DGKB: variants seen among roughly 807,000 people sequenced by gnomAD.
DGKB encodes diacylglycerol kinase beta, also known as 90 kDa diacylglycerol kinase.
In DGKB, 67 loss-of-function variants were observed where a neutral mutation model predicts 114.3. That is an observed-to-expected ratio of 0.59 (90% confidence interval 0.48 to 0.72). The LOEUF is 0.72. DGKB is among the 30% of genes least tolerant of loss of function. DGKB has a pLI of 0.00. For missense variants in DGKB, 907 were observed against 975.2 expected (o/e 0.93, Z 0.93); for synonymous variants, 398 against 323.1 (o/e 1.23, Z -2.49).
intron 21 of DGKB, among the ~76,000 whole-genome samples, chr7:14,455,203 T>C (rs1438023521): frequency 2.6e-5 from 4 of 152,022 alleles, no homozygotes; most frequent in Admixed American, 1.3e-4. Context: ...ATCACAGACA[T>C]AACTTCAATA....
chr7:14,948,097 A>G (rs1785980596), intron 1 of DGKB, among the ~76,000 whole-genome samples: 1 of 151,814 alleles, frequency 6.6e-6, no homozygotes, highest in African/African-American at 2.4e-5. Flanking sequence ...GGGCCGTATC[A>G]ACAAAAGCAA....
At chr7:14,484,340 A>G (rs1370310001) in intron 20 of DGKB, among the ~76,000 whole-genome samples, 1 of 150,904 alleles carries the variant, frequency 6.6e-6, no homozygotes, top group South Asian at 2.1e-4. Context: ...TCCCCTCTGA[A>G]CATCATGTTG....
At chr7:14,668,685 C>A (rs1300554721) in intron 13 of DGKB, among the ~76,000 whole-genome samples, 3 of 152,136 alleles carry the variant, frequency 2.0e-5, no homozygotes, top group Non-Finnish European at 4.4e-5. Flanking sequence ...ATTCCAACAA[C>A]CTTTGACTTC....
At chr7:14,468,318 C>T (rs1042876779) in intron 21 of DGKB, among the ~76,000 whole-genome samples, 4 of 152,020 alleles carry the variant, frequency 2.6e-5, no homozygotes, top group African/African-American at 9.7e-5. Flanking sequence ...TCTCTTCTGT[C>T]TCCAGCACAC....
At chr7:14,518,705 A>G (rs1383814350) in intron 20 of DGKB, among the ~76,000 whole-genome samples, 3 of 152,068 alleles carry the variant, frequency 2.0e-5, no homozygotes, top group African/African-American at 7.2e-5. Flanking sequence ...AAATTTTAGC[A>G]TATACCTCCA....
At chr7:14,301,855 C>A (rs147047508) in intron 23 of DGKB, among the ~76,000 whole-genome samples, 3 of 152,196 alleles carry the variant, frequency 2.0e-5, no homozygotes, top group East Asian at 1.9e-4. Context: ...GTGTACAGTG[C>A]TTTTGTCAGA....
chr7:14,663,848 T>C (rs1466642961), intron 13 of DGKB, among the ~76,000 whole-genome samples: 1 of 151,892 alleles, frequency 6.6e-6, no homozygotes, highest in African/African-American at 2.4e-5. Context: ...CCTTTCTAAA[T>C]GATTGCCACT....
intron 13 of DGKB, among the ~76,000 whole-genome samples, chr7:14,668,842 C>G (rs139597085): frequency 2.4e-3 from 364 of 152,252 alleles, no homozygotes; most frequent in African/African-American, 7.8e-3. Flanking sequence ...GCTGCCCTCT[C>G]TGTACATCAC....
chr7:14,886,210 T>C (rs948554918), intron 1 of DGKB, among the ~76,000 whole-genome samples: 1 of 151,766 alleles, frequency 6.6e-6, no homozygotes, highest in Admixed American at 6.6e-5. Context: ...AAAGATAGAA[T>C]TTCAATTAGC....
At position 14,149,203 on chromosome 7, in the gene DGKB, C is replaced by A. The variant is rs377024982; in HGVS notation, c.2340G>T (p.Leu780=). Residue 780 remains leucine, a synonymous_variant, in exon 26 of 26, where the codon CTG becomes CTT. Coordinates refer to ENST00000402815, the MANE Select transcript of DGKB (RefSeq NM_001350709.2). Reference sequence around the variant, plus strand: ...AACCGGTTTTTGGAGGCGGGCCCATCAGCATTGGGGCTTGGTTCTTGTGTG... The same window carrying A: ...AACCGGTTTTTGGAGGCGGGCCCATAAGCATTGGGGCTTGGTTCTTGTGTG... ...KITHKNQAPM[L]MGPPPKTGLF... is the part of the protein sequence containing the mutation. 1.2e-6 allele frequency: 2 copies of A among 1,613,156 alleles called. No individual in the cohort carries two copies. The highest frequency in any genetic ancestry group is 2.7e-5 in the African/African-American group (2 of 74,792).
chr7:14,156,623 T>A (rs1584102538), intron 25 of DGKB, among the ~76,000 whole-genome samples: 2 of 152,136 alleles, frequency 1.3e-5, no homozygotes, highest in African/African-American at 4.8e-5. Context: ...AGGCAGCTGG[T>A]CAGATTTGGC....
chr7:14,215,528 T>C (rs1183842190), intron 23 of DGKB, among the ~76,000 whole-genome samples: 1 of 152,180 alleles, frequency 6.6e-6, no homozygotes, highest in African/African-American at 2.4e-5. Context: ...AAATAACCAC[T>C]AATCTATAAT....
chr7:14,176,913 T>C lies in DGKB; in HGVS notation c.2244-14A>G, dbSNP rs1781823383. 6.2e-7 allele frequency: 1 copy of C among 1,613,170 alleles called. No homozygotes were observed. Among genetic ancestry groups the C allele is most frequent in the Non-Finnish European group, 8.5e-7 (1 of 1,179,216 alleles). ...GACTTGCTCGTCCTGGGGGAAAATATTTCATTGTAAGTATTGCAAGGAAAT... is the reference window on the plus strand; with the variant it reads ...GACTTGCTCGTCCTGGGGGAAAATACTTCATTGTAAGTATTGCAAGGAAAT... On this transcript the variant is annotated splice_polypyrimidine_tract_variant and intron_variant, in intron 24 of 25. Coordinates refer to ENST00000402815, the MANE Select transcript of DGKB (RefSeq NM_001350709.2).
chr7:14,889,479 C>T (rs1433660750), intron 1 of DGKB, among the ~76,000 whole-genome samples: 2 of 151,452 alleles, frequency 1.3e-5, no homozygotes, highest in African/African-American at 2.4e-5. Context: ...GTGTAGTAGG[C>T]CTGGTTATGG....
chr7:14,178,546 T>C (rs1782149783), intron 23 of DGKB, among the ~76,000 whole-genome samples: 2 of 152,038 alleles, frequency 1.3e-5, no homozygotes, highest in South Asian at 2.1e-4. Context: ...ATAAATAAAA[T>C]ATGAGGATAT....
At chr7:14,596,900 T>C (rs1176800676) in intron 17 of DGKB, among the ~76,000 whole-genome samples, 5 of 152,134 alleles carry the variant, frequency 3.3e-5, no homozygotes, top group Admixed American at 2.0e-4. Context: ...TACCCTCTTT[T>C]TAAAATATCA....
At chr7:14,565,496 C>T (rs1471667202) in intron 20 of DGKB, among the ~76,000 whole-genome samples, 1 of 152,158 alleles carries the variant, frequency 6.6e-6, no homozygotes, top group Non-Finnish European at 1.5e-5. Context: ...GTCTTCTAAG[C>T]TTCCAACTTA....
chr7:14,658,395 T>C (rs1389099802), intron 13 of DGKB, among the ~76,000 whole-genome samples: 1 of 151,904 alleles, frequency 6.6e-6, no homozygotes, highest in Non-Finnish European at 1.5e-5. Context: ...AGTAGAATGA[T>C]GGTTATCAGA....
At position 14,235,425 on chromosome 7, in the gene DGKB, T is replaced by C. The variant is rs147856409; in HGVS notation, c.2123-57274A>G. ...AAGAATTTGATATTAAGAAACAAAA[T>C]TCATTCTGTACAACAGAGAAGGGCT... is the stretch of plus-strand genomic sequence containing the variant. On this transcript the variant is annotated intron_variant, in intron 23 of 25. Transcript: ENST00000402815. 2.6e-3 allele frequency among the ~76,000 whole-genome samples: 402 copies of C among 152,108 alleles called. 2 individuals are homozygous for C. Among genetic ancestry groups the C allele is most frequent in the African/African-American group, 9.3e-3 (388 of 41,524 alleles).
Sources: gnomAD v4.1 joint callset for allele counts (sites outside exome capture counted in the v4.1 genomes callset) on GRCh38, gnomAD v4.1.1 for gene constraint, MANE v1.5 for transcripts, NCBI Gene and HGNC (gene_info 2026-07-23, HGNC 2026-07-21) for gene names.